The following MYH10 variants were observed in gnomAD, a reference collection of about 807,000 sequenced individuals.
The protein encoded by MYH10 is myosin heavy chain 10.
Under a neutral mutation model 257.8 loss-of-function variants are expected in MYH10, and 55 were observed. That is an observed-to-expected ratio of 0.21 (90% confidence interval 0.17 to 0.27). The LOEUF is 0.27. Among genes scored for constraint, MYH10 ranks in the 10% least tolerant of loss-of-function variants. The pLI is 1.00. For synonymous variants in MYH10, 854 were observed against 921.7 expected (o/e 0.93, Z 1.33); for missense variants, 1,631 against 2,500.6 (o/e 0.65, Z 7.42).
At chr17:8,493,648 A>T in intron 32 of MYH10, 85 bp downstream of exon 32, 1 of 1,456,594 alleles carries the variant, frequency 6.9e-7, no homozygotes. Flanking sequence ...TCCCAAATGG[A>T]GCTGAGACAG....
chr17:8,482,947 C>T (rs1387867623), intron 37 of MYH10, among the ~76,000 whole-genome samples: 2 of 152,200 alleles, frequency 1.3e-5, no homozygotes, highest in Non-Finnish European at 2.9e-5. Flanking sequence ...CATTGATGAA[C>T]ATGCATCATT....
intron 28 of MYH10, among the ~76,000 whole-genome samples, chr17:8,503,632 T>A (rs909661205): frequency 1.3e-5 from 2 of 152,188 alleles, no homozygotes; most frequent in African/African-American, 4.8e-5. Flanking sequence ...GCTGATGACA[T>A]CCTTGTCCTC....
intron 13 of MYH10, among the ~76,000 whole-genome samples, 156 bp from the exon 14 acceptor site, chr17:8,542,436 G>A (rs910508785): frequency 6.6e-6 from 1 of 152,156 alleles, no homozygotes; most frequent in Non-Finnish European, 1.5e-5. Flanking sequence ...CTAAACCAAG[G>A]GGGGTGGTCT....
chr17:8,566,951 C>T (rs2083183860), intron 7 of MYH10, among the ~76,000 whole-genome samples: 1 of 152,076 alleles, frequency 6.6e-6, no homozygotes, highest in Non-Finnish European at 1.5e-5. Context: ...CCAAAACTGT[C>T]TCTCTTGAAT....
intron 2 of MYH10, among the ~76,000 whole-genome samples, chr17:8,621,654 T>G (rs2085472339): frequency 6.6e-6 from 1 of 152,182 alleles, no homozygotes; most frequent in African/African-American, 2.4e-5. Context: ...AAGCCACCGT[T>G]CCAACCCTGT....
intron 2 of MYH10, among the ~76,000 whole-genome samples, chr17:8,616,495 A>G (rs1181150360): frequency 1.3e-5 from 2 of 152,154 alleles, no homozygotes; most frequent in Non-Finnish European, 2.9e-5. Flanking sequence ...TATTATCTAT[A>G]TACCATATGA....
chr17:8,619,865 C>T (rs957080161), intron 2 of MYH10, among the ~76,000 whole-genome samples: 3 of 151,836 alleles, frequency 2.0e-5, no homozygotes, highest in East Asian at 1.9e-4. Context: ...GCGGAGGTTG[C>T]GATGAGCCGA....
chr17:8,536,459 AAGTC>A (rs1341350722), intron 14 of MYH10, among the ~76,000 whole-genome samples: 5 of 152,368 alleles, frequency 3.3e-5, no homozygotes, highest in African/African-American at 7.2e-5. Flanking sequence ...TTGATAAACT[AAGTC>A]AGTCATCAAT....
intron 21 of MYH10, among the ~76,000 whole-genome samples, chr17:8,516,637 A>G (rs2081476482): frequency 1.3e-5 from 2 of 152,224 alleles, no homozygotes; most frequent in Admixed American, 1.3e-4. Context: ...AAGTATATCT[A>G]TATACTTCGT....
At chr17:8,537,621 A>G (rs1402652117) in intron 14 of MYH10, among the ~76,000 whole-genome samples, 1 of 152,358 alleles carries the variant, frequency 6.6e-6, no homozygotes, top group East Asian at 1.9e-4. Flanking sequence ...AACTGTGAGA[A>G]AGGAAGTTCC....
chr17:8,568,183 A>G (rs922242898), intron 7 of MYH10, among the ~76,000 whole-genome samples: 2 of 152,186 alleles, frequency 1.3e-5, no homozygotes, highest in Non-Finnish European at 2.9e-5. Context: ...TTCAAGTGGC[A>G]CGCAGCCGAA....
chr17:8,481,705 G>C (rs1232270358), intron 37 of MYH10, among the ~76,000 whole-genome samples: 1 of 152,178 alleles, frequency 6.6e-6, no homozygotes, highest in Non-Finnish European at 1.5e-5. Flanking sequence ...TTCTTGGAAA[G>C]CTGGTGCTTC....
intron 7 of MYH10, among the ~76,000 whole-genome samples, chr17:8,563,146 G>A (rs1194126995): frequency 6.6e-6 from 1 of 152,172 alleles, no homozygotes; most frequent in African/African-American, 2.4e-5. Flanking sequence ...TTAGCTATTT[G>A]CCCTAAATGA....
intron 2 of MYH10, among the ~76,000 whole-genome samples, chr17:8,619,961 G>C (rs1054318555): frequency 6.6e-6 from 1 of 152,026 alleles, no homozygotes; most frequent in Non-Finnish European, 1.5e-5. Context: ...AAACTAAATT[G>C]TCATTTAGGG....
chr17:8,573,747 T>C, intron 6 of MYH10: 1 of 675,128 alleles, frequency 1.5e-6, no homozygotes, highest in Non-Finnish European at 1.8e-6. Flanking sequence ...CATAGATAAA[T>C]GTTTATTTCA....
At chr17:8,543,749 G>A (rs1265723206) in intron 13 of MYH10, among the ~76,000 whole-genome samples, 1 of 152,136 alleles carries the variant, frequency 6.6e-6, no homozygotes, top group Non-Finnish European at 1.5e-5. Context: ...TGGGATTACA[G>A]GCGTGAGCCA....
chr17:8,513,694 T>C lies in MYH10; in HGVS notation c.2614-25A>G, dbSNP rs751018424. 9.9e-6 allele frequency: 16 copies of C among 1,608,876 alleles called. No individual in the cohort carries two copies. In the Middle Eastern group the frequency reaches 5.0e-4, roughly 50 times the overall value. On this transcript the variant is annotated intron_variant, in intron 22 of 42. Coordinates refer to ENST00000360416, the MANE Select transcript of MYH10 (RefSeq NM_001256012.3). ...CCTATGACAAAATTAAGCAGTTTTTTTTTTTTTATCATTCCAGCTCTTTCC... is the reference window on the plus strand; with the variant it reads ...CCTATGACAAAATTAAGCAGTTTTTCTTTTTTTATCATTCCAGCTCTTTCC...
At chr17:8,480,031 C>CT (rs948309997) in intron 40 of MYH10, 79 bp downstream of exon 40, 1 of 1,455,694 alleles carries the variant, frequency 6.9e-7, no homozygotes, top group Admixed American at 1.8e-5. Flanking sequence ...GGGGAGCCCC[C>CT]CCGAAAGGGG....
At chr17:8,547,721 A>G (rs572002487) in intron 11 of MYH10, among the ~76,000 whole-genome samples, 5 of 146,996 alleles carry the variant, frequency 3.4e-5, no homozygotes, top group African/African-American at 1.2e-4. Context: ...AAACTGATAT[A>G]TATATAATAT....
Sources: gnomAD v4.1 joint callset for allele counts (sites outside exome capture counted in the v4.1 genomes callset) on GRCh38, gnomAD v4.1.1 for gene constraint, MANE v1.5 for transcripts, NCBI Gene and HGNC (gene_info 2026-07-23, HGNC 2026-07-21) for gene names.